GALNT13: variants seen among roughly 807,000 people sequenced by gnomAD.
GALNT13 encodes polypeptide N-acetylgalactosaminyltransferase 13.
GALNT13 carries 28 observed loss-of-function variants against 64.2 expected under a neutral mutation model. The observed-to-expected ratio is 0.44, with a 90% CI of 0.32 to 0.60. GALNT13 has a LOEUF of 0.60. Ranked by LOEUF, GALNT13 falls within the 20% of genes least tolerant of loss-of-function variation. The pLI, the probability that GALNT13 is intolerant of heterozygous loss-of-function variation, is 0.05. For missense variants in GALNT13, 577 were observed against 669.8 expected, an observed-to-expected ratio of 0.86 and a Z score of 1.53; for synonymous variants, 214 against 224.6, an observed-to-expected ratio of 0.95 and a Z score of 0.42.
chr2:153,815,452 A>G, the GALNT13 span, among the ~76,000 whole-genome samples: 1 of 152,230 alleles, frequency 6.6e-6, no homozygotes, highest in Admixed American at 6.5e-5. Flanking sequence ...GGTAGAGCCC[A>G]ATTACCAAAT....
At chr2:153,755,857 T>C in the GALNT13 span, among the ~76,000 whole-genome samples, 2 of 152,130 alleles carry the variant, frequency 1.3e-5, no homozygotes, top group African/African-American at 4.8e-5. Context: ...ATCTCGAACA[T>C]ACCCTCCTCA....
intron 4 of GALNT13, among the ~76,000 whole-genome samples, chr2:154,144,807 T>C (rs990033115): frequency 1.1e-4 from 17 of 151,928 alleles, no homozygotes; most frequent in African/African-American, 3.6e-4. Flanking sequence ...TCAGGACAAA[T>C]TGAAGTTCTG....
chr2:154,438,831 A>T, intron 12 of GALNT13, 105 bp downstream of exon 12: 1 of 927,884 alleles, frequency 1.1e-6, no homozygotes. Flanking sequence ...ACATTGGCAG[A>T]ATTAGATTTT....
At chr2:153,372,641 T>C in the GALNT13 span, among the ~76,000 whole-genome samples, 3 of 140,468 alleles carry the variant, frequency 2.1e-5, no homozygotes, top group African/African-American at 5.2e-5. Flanking sequence ...CGAGACTCTG[T>C]CTCAAAAAAA....
At chr2:153,160,831 G>C in the GALNT13 span, among the ~76,000 whole-genome samples, 2 of 152,126 alleles carry the variant, frequency 1.3e-5, no homozygotes, top group Non-Finnish European at 2.9e-5. Context: ...AATGATAGGA[G>C]CCAAATTTCA....
intron 3 of GALNT13, among the ~76,000 whole-genome samples, chr2:154,051,858 AG>A (rs1330575646): frequency 6.6e-5 from 10 of 152,180 alleles, no homozygotes; most frequent in Admixed American, 5.2e-4. Flanking sequence ...TATTTCATTC[AG>A]TGTATTGTCT....
At chr2:153,898,231 A>T (rs1436123575) in intron 1 of GALNT13, among the ~76,000 whole-genome samples, 1 of 152,066 alleles carries the variant, frequency 6.6e-6, no homozygotes, top group Admixed American at 6.6e-5. Context: ...GTGCCGAAGG[A>T]CTTGGATTTG....
intron 9 of GALNT13, among the ~76,000 whole-genome samples, chr2:154,353,839 C>CT (rs1031628140): frequency 5.0e-4 from 76 of 152,192 alleles, no homozygotes; most frequent in African/African-American, 1.8e-3. Flanking sequence ...GTTTCCATAT[C>CT]TTGGCTATTG....
the GALNT13 span, among the ~76,000 whole-genome samples, chr2:153,698,663 G>C: frequency 6.6e-6 from 1 of 152,074 alleles, no homozygotes; most frequent in Non-Finnish European, 1.5e-5. Context: ...ACATCCCACT[G>C]TCAATGTTAG....
At chr2:153,257,760 A>T in the GALNT13 span, among the ~76,000 whole-genome samples, 2 of 152,184 alleles carry the variant, frequency 1.3e-5, no homozygotes, top group African/African-American at 4.8e-5. Flanking sequence ...GAGTATTCTT[A>T]ACTTATGGCA....
At chr2:153,078,553 C>T in the GALNT13 span, among the ~76,000 whole-genome samples, 12 of 151,930 alleles carry the variant, frequency 7.9e-5, no homozygotes, top group Non-Finnish European at 1.5e-4. Context: ...TCAGATGATC[C>T]GCCCACCTCG....
the GALNT13 span, among the ~76,000 whole-genome samples, chr2:153,345,628 C>CTTTTCCTTTCT: frequency 2.8e-4 from 31 of 109,150 alleles, no homozygotes; most frequent in South Asian, 1.1e-3. Flanking sequence ...CTTTTCTTTT[C>CTTTTCCTTTCT]CTTTCTTTTT....
the GALNT13 span, among the ~76,000 whole-genome samples, chr2:153,089,435 C>T: frequency 6.6e-6 from 1 of 152,100 alleles, no homozygotes; most frequent in Non-Finnish European, 1.5e-5. Context: ...TTTAGATAAC[C>T]TGATGACTAT....
the GALNT13 span, among the ~76,000 whole-genome samples, chr2:153,778,128 G>GCCGGTGTGCTCCTATC: frequency 6.6e-6 from 1 of 152,086 alleles, no homozygotes. Context: ...GTGCTCCTAT[G>GCCGGTGTGCTCCTATC]CCGGTGTGCT....
chr2:153,850,110 C>T, the GALNT13 span, among the ~76,000 whole-genome samples: 5 of 150,382 alleles, frequency 3.3e-5, no homozygotes, highest in Non-Finnish European at 1.5e-5. Context: ...ACCCAGGAGG[C>T]GGAGCTTGCA....
At chr2:153,278,223 G>A in the GALNT13 span, among the ~76,000 whole-genome samples, 223 of 151,924 alleles carry the variant, frequency 1.5e-3, no homozygotes, top group African/African-American at 5.2e-3. Flanking sequence ...GTGAGCCACC[G>A]TGTTTAAGTT....
At chr2:154,245,550 C>A (rs959845335) in intron 6 of GALNT13, among the ~76,000 whole-genome samples, 5 of 151,978 alleles carry the variant, frequency 3.3e-5, no homozygotes, top group African/African-American at 4.8e-5. Context: ...AAAAATAGAC[C>A]CTGCTCATCT....
chr2:153,399,225 G>T, the GALNT13 span, among the ~76,000 whole-genome samples: 1 of 150,390 alleles, frequency 6.6e-6, no homozygotes, highest in Non-Finnish European at 1.5e-5. Flanking sequence ...TCAAAGATCA[G>T]ATAGTTGTAG....
chr2:154,420,208 T>C (rs1700190745), intron 11 of GALNT13, among the ~76,000 whole-genome samples: 1 of 152,054 alleles, frequency 6.6e-6, no homozygotes, highest in Non-Finnish European at 1.5e-5. Context: ...AATGGGAATC[T>C]GTTACCTGAA....
Sources: allele counts gnomAD v4.1 joint callset (sites outside exome capture counted in the v4.1 genomes callset), GRCh38; gene constraint gnomAD v4.1.1; transcripts MANE v1.5; gene names NCBI Gene and HGNC (gene_info 2026-07-23, HGNC 2026-07-21).